The following NYAP2 variants were observed in gnomAD, a reference collection of about 807,000 sequenced individuals.
The protein encoded by NYAP2 is neuronal tyrosine-phosphorylated phosphoinositide-3-kinase adapter 2.
In NYAP2, 23 loss-of-function variants were observed where a neutral mutation model predicts 50.4. That is an observed-to-expected ratio of 0.46 (90% CI 0.33 to 0.65). NYAP2 has a LOEUF of 0.65. Ranked by LOEUF, NYAP2 falls within the 30% of genes least tolerant of loss-of-function variation. The probability of loss-of-function intolerance (pLI) is 0.02; values close to 1 mark genes in which losing one functional copy is unlikely to be tolerated. For missense variants in NYAP2, 885 were observed against 861.0 expected (o/e 1.03, Z -0.35); for synonymous variants, 394 against 365.2 (o/e 1.08, Z -0.90).
chr2:225,582,605 G>T lies in NYAP2; in HGVS notation c.1188G>T (p.Glu396Asp). Residue 396 changes from glutamate to aspartate, a missense_variant, in exon 5 of 7, where the codon GAG becomes GAT. Glu to Asp is a conservative substitution (Grantham distance 45). Coordinates refer to ENST00000636099, the Ensembl canonical transcript of NYAP2. The surrounding 1 kb of genome is among the most constrained non-coding windows in gnomAD (Gnocchi z 7.0). ...CCGGCCATGCGAAACTGGAGAAAGAGCAGGCCGCGGCCCTGGGACCTGCCT... is the reference window on the plus strand; with the variant it reads ...CCGGCCATGCGAAACTGGAGAAAGATCAGGCCGCGGCCCTGGGACCTGCCT... 1.3e-6 allele frequency: 2 copies of T among 1,593,420 alleles called. No homozygotes were observed. Among genetic ancestry groups the T allele is most frequent in the Non-Finnish European group, 1.7e-6 (2 of 1,170,804 alleles).
chr2:225,433,280 A>G (rs1689298506), intron 3 of NYAP2, among the ~76,000 whole-genome samples: 1 of 151,940 alleles, frequency 6.6e-6, no homozygotes, highest in Non-Finnish European at 1.5e-5. Flanking sequence ...TGAGCCCAGG[A>G]GTTCAAAGCT....
upstream of NYAP2, among the ~76,000 whole-genome samples, chr2:225,398,396 T>C (rs1157492033): frequency 6.6e-6 from 1 of 152,100 alleles, no homozygotes; most frequent in Non-Finnish European, 1.5e-5. Context: ...TCAGTCATGA[T>C]AAAGTGTTTC....
intron 5 of NYAP2, among the ~76,000 whole-genome samples, chr2:225,621,212 T>C (rs1476838040): frequency 6.6e-6 from 1 of 152,188 alleles, no homozygotes; most frequent in African/African-American, 2.4e-5. Flanking sequence ...AGTTACACTT[T>C]CTTTGAAGCT....
chr2:225,484,866 G>A (rs563819648), intron 3 of NYAP2, among the ~76,000 whole-genome samples: 4 of 152,184 alleles, frequency 2.6e-5, no homozygotes, highest in Non-Finnish European at 5.9e-5. Context: ...CATCTGAAAT[G>A]TATCAGCATC....
At chr2:225,441,516 G>A (rs1434469422) in intron 3 of NYAP2, among the ~76,000 whole-genome samples, 1 of 152,154 alleles carries the variant, frequency 6.6e-6, no homozygotes, top group Non-Finnish European at 1.5e-5. Flanking sequence ...GAAGAAAAGA[G>A]ATTTAATTGA....
intron 3 of NYAP2, among the ~76,000 whole-genome samples, chr2:225,449,567 C>G (rs1235458089): frequency 1.3e-5 from 2 of 151,360 alleles, no homozygotes; most frequent in African/African-American, 4.9e-5. Flanking sequence ...CTACATTTCA[C>G]CCAAGGAAAC....
the NYAP2 span, among the ~76,000 whole-genome samples, chr2:225,663,504 A>G: frequency 6.6e-6 from 1 of 151,886 alleles, no homozygotes; most frequent in Non-Finnish European, 1.5e-5. Context: ...ACCTGCCTCC[A>G]TTCACCTGCT....
intron 4 of NYAP2, among the ~76,000 whole-genome samples, chr2:225,540,200 C>T (rs1266416081): frequency 6.6e-6 from 1 of 152,216 alleles, no homozygotes; most frequent in Non-Finnish European, 1.5e-5. Flanking sequence ...ACTGTTCCAA[C>T]CTCTGCCTGT....
intron 5 of NYAP2, among the ~76,000 whole-genome samples, chr2:225,626,473 A>T (rs1443131619): frequency 6.6e-6 from 1 of 152,214 alleles, no homozygotes; most frequent in African/African-American, 2.4e-5. Flanking sequence ...TAAATGAGTG[A>T]GTAATCAAAT....
intron 3 of NYAP2, among the ~76,000 whole-genome samples, chr2:225,412,530 A>G (rs6735327): frequency 6.6e-6 from 1 of 151,746 alleles, no homozygotes; most frequent in Non-Finnish European, 1.5e-5. Context: ...GAAAGACTAA[A>G]AACTGGCATG....
the NYAP2 span, among the ~76,000 whole-genome samples, chr2:225,660,420 G>T: frequency 6.8e-6 from 1 of 146,666 alleles, no homozygotes; most frequent in African/African-American, 2.5e-5. Flanking sequence ...CGGGACAGCA[G>T]GTATTAGAGA....
chr2:225,509,953 G>A (rs536438344), intron 3 of NYAP2, among the ~76,000 whole-genome samples: 46 of 152,272 alleles, frequency 3.0e-4, no homozygotes, highest in African/African-American at 1.1e-3. Flanking sequence ...CCTCAAGCTT[G>A]ACCATAAGAT....
intron 5 of NYAP2, among the ~76,000 whole-genome samples, chr2:225,598,460 TA>T (rs1206888331): frequency 6.6e-6 from 1 of 152,218 alleles, no homozygotes; most frequent in African/African-American, 2.4e-5. Flanking sequence ...GGAAGACTGT[TA>T]AAAAATATGA....
At chr2:225,553,977 C>A (rs73089038) in intron 4 of NYAP2, among the ~76,000 whole-genome samples, 4,190 of 152,018 alleles carry the variant, frequency 0.028, 183 homozygotes, top group African/African-American at 0.094. Context: ...CCGAGTTTGC[C>A]CCATTGCACT....
At chr2:225,547,831 T>C (rs1021226974) in intron 4 of NYAP2, among the ~76,000 whole-genome samples, 2 of 152,152 alleles carry the variant, frequency 1.3e-5, no homozygotes, top group African/African-American at 4.8e-5. Flanking sequence ...GTGTAGACAG[T>C]TGTTACATTT....
intron 3 of NYAP2, among the ~76,000 whole-genome samples, chr2:225,487,008 G>A (rs73089800): frequency 0.017 from 2,660 of 152,290 alleles, 88 homozygotes; most frequent in African/African-American, 0.061. Flanking sequence ...GTAGACAAAA[G>A]TCACATATTG....
intron 5 of NYAP2, among the ~76,000 whole-genome samples, chr2:225,610,157 G>T (rs1692854823): frequency 6.6e-6 from 1 of 152,098 alleles, no homozygotes; most frequent in Non-Finnish European, 1.5e-5. Context: ...TTGGTATGTT[G>T]GTCTGCTTAG....
At chr2:225,461,730 C>G (rs1689836966) in intron 3 of NYAP2, among the ~76,000 whole-genome samples, 1 of 152,176 alleles carries the variant, frequency 6.6e-6, no homozygotes, top group Non-Finnish European at 1.5e-5. Flanking sequence ...ATAAGATAAT[C>G]TTCATTGACA....
intron 3 of NYAP2, among the ~76,000 whole-genome samples, chr2:225,409,684 C>G (rs1559172488): frequency 6.6e-6 from 1 of 152,104 alleles, no homozygotes; most frequent in African/African-American, 2.4e-5. Flanking sequence ...CTACCAGCTA[C>G]TAGCTGGTGA....
Sources: allele counts gnomAD v4.1 joint callset (sites outside exome capture counted in the v4.1 genomes callset), GRCh38; gene constraint gnomAD v4.1.1; non-coding constraint Gnocchi (gnomAD v3.1); transcripts MANE v1.5; gene names NCBI Gene and HGNC (gene_info 2026-07-23, HGNC 2026-07-21).